SPTBN1: variants seen among roughly 807,000 people sequenced by gnomAD.
SPTBN1 encodes the protein spectrin beta, non-erythrocytic 1.
A neutral mutation model predicts 266.4 loss-of-function variants in SPTBN1; 32 were observed. That is an observed-to-expected ratio of 0.12 (90% CI 0.09 to 0.16). The LOEUF (loss-of-function observed/expected upper bound fraction) is 0.16, where lower values mean the gene tolerates loss of function less well. Among genes scored for constraint, SPTBN1 ranks in the 10% least tolerant of loss-of-function variants. SPTBN1 has a pLI of 1.00. For synonymous variants in SPTBN1, 1,336 were observed against 1,162.2 expected (o/e 1.15, Z -3.04); for missense variants, 2,296 against 3,067.1 (o/e 0.75, Z 5.94).
In SPTBN1 at chr2:54,664,823, CA is replaced by C. The variant is rs1213583291; in HGVS notation, c.6659+133del. 6.6e-6 allele frequency: 6 copies of C among 915,040 alleles called. No individual in the cohort carries two copies. In the African/African-American group the frequency reaches 1.0e-4, roughly 15 times the overall value. 56.7% of individuals were successfully genotyped at this position (915,040 alleles called of 1,614,324 possible). A position where few individuals can be genotyped will look rare whatever the true frequency, so the allele number is the denominator to read the frequency against. On this transcript the variant is annotated intron_variant, in intron 33 of 35. Coordinates refer to ENST00000356805, the MANE Select transcript of SPTBN1 (RefSeq NM_003128.3). This position sits in a 1 kb window ranked among gnomAD's most constrained non-coding sequence, Gnocchi z 5.6. The stretch of plus-strand genomic sequence containing the variant: ...TCCTTTGGTAGCTTCCTGGACATTG[CA>C]TTCTTCTTGGGCTGACGCTGGAAAG...
At chr2:54,514,440 A>T (rs1245242658) in intron 1 of SPTBN1, among the ~76,000 whole-genome samples, 1 of 152,180 alleles carries the variant, frequency 6.6e-6, no homozygotes, top group Non-Finnish European at 1.5e-5. Flanking sequence ...TGTTGTTTGT[A>T]AAGCTAGAAT....
At chr2:54,509,515 C>G (rs1333234411) in intron 1 of SPTBN1, among the ~76,000 whole-genome samples, 1 of 152,254 alleles carries the variant, frequency 6.6e-6, no homozygotes, top group East Asian at 1.9e-4. Context: ...ACATGATGGC[C>G]AGCCTAAAAC....
At position 54,629,515 on chromosome 2, in the gene SPTBN1, C is replaced by T. The variant is rs1190949778; in HGVS notation, c.2381C>T (p.Ala794Val). Reference sequence around the variant, plus strand: ...CACAAGGACGTGGCGGAAGAGATCGCCAATTACAGGCCCACCCTTGACACG... The same window carrying T: ...CACAAGGACGTGGCGGAAGAGATCGTCAATTACAGGCCCACCCTTGACACG... ...KKHKDVAEEI[A>V]NYRPTLDTLH... The change falls in exon 14 of 36, where the codon GCC becomes GTC. Residue 794 changes from alanine to valine, a missense_variant. By Grantham distance (64) the Ala-to-Val change is moderately conservative. Coordinates refer to ENST00000356805, the MANE Select transcript of SPTBN1 (RefSeq NM_003128.3). 6.2e-7 allele frequency: 1 copy of T among 1,614,110 alleles called. No homozygotes were observed. Among genetic ancestry groups the T allele is most frequent in the Non-Finnish European group, 8.5e-7 (1 of 1,180,034 alleles).
intron 3 of SPTBN1, among the ~76,000 whole-genome samples, chr2:54,602,524 G>GT (rs1266995236): frequency 6.6e-6 from 1 of 152,178 alleles, no homozygotes; most frequent in Admixed American, 6.5e-5. Context: ...ATGGTGGCCA[G>GT]TTTTTTGCCT....
rs751368672 is a variant in SPTBN1, at chr2:54,630,861, C to G, written c.2814C>G (p.Ser938Arg). The change falls in exon 16 of 36, where the codon AGC (serine) becomes AGG (arginine). Residue 938 changes from serine to arginine, a missense_variant. This residue lies in a region of SPTBN1 where 128 missense variants were observed against 176.5 expected (regional missense o/e 0.73). Transcript: ENST00000356805. ...AQQDKLNTRW[S>R]QFRELVDRKK... ...TCTGCCCCTGCACTCACAGGTGGAG[C>G]CAGTTCAGAGAACTGGTTGACAGGA... is the stretch of plus-strand genomic sequence containing the variant. 1 of 1,582,836 alleles carries G rather than the reference C, an allele frequency of 6.3e-7. No homozygotes were observed. The highest frequency in any genetic ancestry group is 8.6e-7 in the Non-Finnish European group (1 of 1,162,706).
Position 54,668,937 on chromosome 2 carries a change from G to A in SPTBN1, c.*368G>A, listed in dbSNP as rs529936767. 2 of 236,272 alleles carry A rather than the reference G, an allele frequency of 8.5e-6. No homozygotes were observed. The highest frequency in any genetic ancestry group is 1.1e-4 in the South Asian group (2 of 19,034). 14.6% of individuals were successfully genotyped at this position (236,272 alleles called of 1,614,324 possible). On this transcript the variant is annotated 3_prime_UTR_variant, in exon 36 of 36. Transcript: ENST00000356805. ...TCAATATTTCCTGTGCTCACCAGAG[G>A]CAAAATGTACCAATATCCTGACACC...
intron 33 of SPTBN1, among the ~76,000 whole-genome samples, chr2:54,665,443 G>A (rs1252558089): frequency 1.3e-5 from 2 of 152,202 alleles, no homozygotes; most frequent in African/African-American, 2.4e-5. Flanking sequence ...TCACCCAAAG[G>A]TACTGTAAGT....
intron 1 of SPTBN1, among the ~76,000 whole-genome samples, chr2:54,492,547 C>T (rs962485947): frequency 1.3e-5 from 2 of 152,042 alleles, no homozygotes; most frequent in Admixed American, 6.6e-5. Context: ...GCCCTTTGCA[C>T]CAACTGACTG....
intron 19 of SPTBN1, among the ~76,000 whole-genome samples, chr2:54,643,440 C>G (rs1432033003): frequency 6.6e-6 from 1 of 152,206 alleles, no homozygotes; most frequent in Non-Finnish European, 1.5e-5. Flanking sequence ...AGGGATTCCA[C>G]TGTCTTGATC....
At chr2:54,495,679 T>TTTTTTTTTGTTTTTTTTTTATTATACTC in intron 1 of SPTBN1, among the ~76,000 whole-genome samples, 1 of 143,090 alleles carries the variant, frequency 7.0e-6, no homozygotes, top group East Asian at 2.1e-4. Context: ...GCATGTGTTT[T>TTTTTTTTTGTTTTTTTTTTATTATACTC]TACCTTTATT....
At chr2:54,462,114 T>G (rs1693397303) in intron 1 of SPTBN1, among the ~76,000 whole-genome samples, 1 of 152,364 alleles carries the variant, frequency 6.6e-6, no homozygotes, top group Non-Finnish European at 1.5e-5. Context: ...AGTTTCCTCA[T>G]TGGAAAAATC....
rs1452833528 is a variant in SPTBN1 at position 54,645,422 on chromosome 2, A to G, written c.4463A>G (p.His1488Arg). ...AACCTGCTGGCCTCCAAAGAGATCC[A>G]TCAGTTCAACAGGGATGTGGAGGAC... is the stretch of plus-strand genomic sequence containing the variant. ...KHNLLASKEI[H>R]QFNRDVEDEI... is the part of the protein sequence containing the mutation. The change falls in exon 21 of 36, where the codon CAT becomes CGT. Residue 1488 changes from histidine to arginine, a missense_variant. This residue lies in a region of SPTBN1 where 3 missense variants were observed against 18.3 expected (regional missense o/e 0.16). Coordinates refer to ENST00000356805, the MANE Select transcript of SPTBN1 (RefSeq NM_003128.3). The surrounding 1 kb of genome is among the most constrained non-coding windows in gnomAD (Gnocchi z 4.3). The G allele has an allele frequency of 3.1e-6, 5 of 1,614,036 alleles. No individual in the cohort carries two copies. Among genetic ancestry groups the G allele is most frequent in the Non-Finnish European group, 3.4e-6 (4 of 1,180,030 alleles).
intron 17 of SPTBN1, among the ~76,000 whole-genome samples, chr2:54,633,318 A>G (rs1678881750): frequency 6.6e-6 from 1 of 152,238 alleles, no homozygotes; most frequent in African/African-American, 2.4e-5. Flanking sequence ...GAGGTAAATA[A>G]GAGCAAAGGT....
chr2:54,578,694 C>T (rs1324197557), intron 2 of SPTBN1, among the ~76,000 whole-genome samples: 1 of 151,344 alleles, frequency 6.6e-6, no homozygotes, highest in Non-Finnish European at 1.5e-5. Flanking sequence ...ATTATTTATA[C>T]CCTGCCCACT....
intron 9 of SPTBN1, among the ~76,000 whole-genome samples, chr2:54,622,786 T>C (rs1002174316): frequency 3.3e-5 from 5 of 152,158 alleles, no homozygotes; most frequent in Non-Finnish European, 1.5e-5. Context: ...CAGGATTCCA[T>C]AATTTTTGGA....
Position 54,626,367 on chromosome 2 carries a change from C to T in SPTBN1, c.1644+133C>T. ...GCCCACATGTACAGCTAGAGAGGAG[C>T]CACATCACCCATGGGAAGATTGCTA... On this transcript the variant is annotated intron_variant, in intron 12 of 35. Coordinates refer to ENST00000356805, the MANE Select transcript of SPTBN1 (RefSeq NM_003128.3). The surrounding 1 kb of genome is among the most constrained non-coding windows in gnomAD (Gnocchi z 4.7). The T allele has an allele frequency of 8.9e-7, 1 of 1,129,378 alleles. No individual in the cohort carries two copies. The highest frequency in any genetic ancestry group is 3.0e-4 in the Middle Eastern group (1 of 3,300). The allele number at this position is 1,129,378 out of a possible 1,614,324, so 70.0% of individuals were successfully genotyped here. A position where few individuals can be genotyped will look rare whatever the true frequency, so the allele number is the denominator to read the frequency against.
intron 17 of SPTBN1, among the ~76,000 whole-genome samples, chr2:54,635,398 C>T (rs138441467): frequency 6.6e-6 from 1 of 152,320 alleles, no homozygotes; most frequent in East Asian, 1.9e-4. Flanking sequence ...ACACGAAGGC[C>T]GTTGTCACAC....
chr2:54,485,206 C>A (rs1668296907), intron 1 of SPTBN1, among the ~76,000 whole-genome samples: 1 of 152,198 alleles, frequency 6.6e-6, no homozygotes, highest in African/African-American at 2.4e-5. Context: ...CGGTCTCCCT[C>A]TCCCTCTCTT....
Position 54,653,378 on chromosome 2 carries a change from C to A in SPTBN1, c.5578-231C>A. ...TCCTGCCTGTCTTCCTGTAGCATTT[C>A]ATTTGTTTTATCATTCATAAAGAAC... On this transcript the variant is annotated intron_variant, in intron 26 of 35. Transcript: ENST00000356805. The surrounding 1 kb of genome is among the most constrained non-coding windows in gnomAD (Gnocchi z 5.1). The A allele has an allele frequency of 1.8e-6, 1 of 567,378 alleles. No homozygotes were observed. The highest frequency in any genetic ancestry group is 3.0e-5 in the South Asian group (1 of 33,054). The allele number at this position is 567,378 out of a possible 1,614,324, so 35.1% of individuals were successfully genotyped here.
Sources: allele counts gnomAD v4.1 joint callset (sites outside exome capture counted in the v4.1 genomes callset), GRCh38; gene constraint gnomAD v4.1.1; regional missense constraint gnomAD v4.1.1; non-coding constraint Gnocchi (gnomAD v3.1); transcripts MANE v1.5; gene names NCBI Gene and HGNC (gene_info 2026-07-23, HGNC 2026-07-21).